Variants in PTPRG observed in about 807,000 individuals in gnomAD.
PTPRG encodes the protein receptor-type tyrosine-protein phosphatase gamma.
A neutral mutation model predicts 165.3 loss-of-function variants in PTPRG; 102 were observed. The observed-to-expected ratio is 0.62, with a 90% CI of 0.53 to 0.73. The LOEUF (loss-of-function observed/expected upper bound fraction) is 0.73. PTPRG is among the 30% of genes least tolerant of loss of function. The pLI, the probability that PTPRG is intolerant of heterozygous loss-of-function variation, is 0.00. For synonymous variants in PTPRG, 675 were observed against 669.5 expected, an observed-to-expected ratio of 1.01 and a Z score of -0.13; for missense variants, 1,866 against 1,861.4, an observed-to-expected ratio of 1.00 and a Z score of -0.05.
Position 62,296,253 on chromosome 3 carries a change from G to A in PTPRG, c.*2946G>A, listed in dbSNP as rs1703058436. 6.6e-6 allele frequency: 1 copy of A among 151,876 alleles called. No homozygotes were observed. Among genetic ancestry groups the A allele is most frequent in the African/African-American group, 2.4e-5 (1 of 41,352 alleles). The allele number at this position is 151,876 out of a possible 1,614,324, so 9.4% of individuals were successfully genotyped here. A position where few individuals can be genotyped will look rare whatever the true frequency, so the allele number is the denominator to read the frequency against. On this transcript the variant is annotated 3_prime_UTR_variant, in exon 30 of 30. Transcript: ENST00000474889. ...TCTTCCTAATTTTTATGCCTTTAGA[G>A]TTTTTAGTCTATTCAAGTAGAAGAG... is the stretch of plus-strand genomic sequence containing the variant.
chr3:61,641,276 G>T (rs1310013686), intron 1 of PTPRG, among the ~76,000 whole-genome samples: 1 of 151,984 alleles, frequency 6.6e-6, no homozygotes, highest in African/African-American at 2.4e-5. Context: ...CATTGTTCTT[G>T]GCTCTGGGGA....
chr3:62,158,696 C>T (rs1704631559), intron 7 of PTPRG, among the ~76,000 whole-genome samples: 1 of 152,168 alleles, frequency 6.6e-6, no homozygotes, highest in Admixed American at 6.5e-5. Flanking sequence ...AGACACTATC[C>T]CCCTAACCAA....
At chr3:61,751,197 C>T (rs1393497508) in intron 2 of PTPRG, 1 of 152,156 alleles carries the variant, frequency 6.6e-6, no homozygotes, top group African/African-American at 2.4e-5. Context: ...ACAGACATTC[C>T]TTAGCATTTG....
intron 2 of PTPRG, among the ~76,000 whole-genome samples, chr3:61,969,167 G>C (rs1309846954): frequency 6.6e-6 from 1 of 152,196 alleles, no homozygotes; most frequent in Non-Finnish European, 1.5e-5. Context: ...GGCTCAATGA[G>C]TGGTTCATTA....
At chr3:61,920,049 G>A (rs2039039911) in intron 2 of PTPRG, among the ~76,000 whole-genome samples, 1 of 152,232 alleles carries the variant, frequency 6.6e-6, no homozygotes, top group Non-Finnish European at 1.5e-5. Context: ...AGAAGTGCTT[G>A]TGACATACTA....
intron 4 of PTPRG, among the ~76,000 whole-genome samples, chr3:62,031,965 G>A (rs115695366): frequency 0.015 from 2,231 of 152,282 alleles, 29 homozygotes; most frequent in Non-Finnish European, 0.019. Context: ...CAGTTGGTTA[G>A]ATGGGTCTGC....
intron 2 of PTPRG, among the ~76,000 whole-genome samples, chr3:61,854,107 A>C (rs2037037852): frequency 2.6e-5 from 4 of 152,226 alleles, no homozygotes; most frequent in Admixed American, 2.0e-4. Context: ...CTGAGTTGAC[A>C]GCAAGAGAAT....
intron 1 of PTPRG, among the ~76,000 whole-genome samples, chr3:61,699,988 G>A (rs939074582): frequency 7.9e-5 from 12 of 152,020 alleles, no homozygotes; most frequent in Non-Finnish European, 2.9e-5. Flanking sequence ...AAGTTTTGAG[G>A]GCCCTTCAAG....
At chr3:61,672,764 A>T (rs1456100481) in intron 1 of PTPRG, among the ~76,000 whole-genome samples, 2 of 119,138 alleles carry the variant, frequency 1.7e-5, no homozygotes, top group Non-Finnish European at 3.5e-5. Flanking sequence ...GAGAGGGAGA[A>T]GAGGGAGAGG....
At chr3:61,562,857 G>A (rs944277720) in intron 1 of PTPRG, among the ~76,000 whole-genome samples, 5 of 152,164 alleles carry the variant, frequency 3.3e-5, no homozygotes, top group Non-Finnish European at 7.3e-5. Flanking sequence ...CCTTTGGGAG[G>A]GCTAGGTTTC....
chr3:61,672,092 G>T (rs1217084332), intron 1 of PTPRG, among the ~76,000 whole-genome samples: 2 of 149,706 alleles, frequency 1.3e-5, no homozygotes, highest in African/African-American at 5.0e-5. Context: ...GGGCAGCAGG[G>T]CAGAGGTGCT....
intron 4 of PTPRG, among the ~76,000 whole-genome samples, chr3:62,049,143 G>A (rs1220314565): frequency 6.6e-6 from 1 of 152,006 alleles, no homozygotes; most frequent in African/African-American, 2.4e-5. Flanking sequence ...AGAAGCCGGG[G>A]AGAAACGTAT....
At chr3:62,267,925 G>T in intron 19 of PTPRG, 106 bp downstream of exon 19, 1 of 1,291,246 alleles carries the variant, frequency 7.7e-7, no homozygotes, top group Non-Finnish European at 1.1e-6. Context: ...AAGAGTTACG[G>T]AAATGAAAAG....
intron 4 of PTPRG, among the ~76,000 whole-genome samples, chr3:62,033,042 G>A (rs1699819809): frequency 6.6e-6 from 1 of 152,144 alleles, no homozygotes; most frequent in African/African-American, 2.4e-5. Context: ...ATTTGCCTGT[G>A]ACATGCTGGT....
intron 2 of PTPRG, among the ~76,000 whole-genome samples, chr3:61,939,680 C>A (rs531961541): frequency 6.6e-6 from 1 of 152,044 alleles, no homozygotes; most frequent in Non-Finnish European, 1.5e-5. Flanking sequence ...TCCAAAAGGT[C>A]CAATAAAATG....
chr3:61,784,426 A>G (rs2034634942), intron 2 of PTPRG, among the ~76,000 whole-genome samples: 1 of 152,228 alleles, frequency 6.6e-6, no homozygotes, highest in African/African-American at 2.4e-5. Context: ...ACATAGTTTT[A>G]ACCTAATTGG....
chr3:61,890,983 C>T (rs534138840), intron 2 of PTPRG, among the ~76,000 whole-genome samples: 17 of 152,036 alleles, frequency 1.1e-4, no homozygotes, highest in Non-Finnish European at 1.6e-4. Flanking sequence ...GATGTTTTTA[C>T]GGATAGCAAC....
At position 62,252,364 on chromosome 3, in the gene PTPRG, A is replaced by G. The variant is rs1701442857; in HGVS notation, c.2468-2760A>G. 6.6e-6 allele frequency among the ~76,000 whole-genome samples: 1 copy of G among 152,216 alleles called. No individual in the cohort carries two copies. The highest frequency in any genetic ancestry group is 2.1e-4 in the South Asian group (1 of 4,828). ...GGAGCACTTTTTATCTAGGGTCTGCAGCCAACTTCTTCTGCCATTCTAAAC... is the reference window on the plus strand; with the variant it reads ...GGAGCACTTTTTATCTAGGGTCTGCGGCCAACTTCTTCTGCCATTCTAAAC... On this transcript the variant is annotated intron_variant, in intron 15 of 29. Coordinates refer to ENST00000474889, the MANE Select transcript of PTPRG (RefSeq NM_002841.4). This position sits in a 1 kb window ranked among gnomAD's most constrained non-coding sequence, Gnocchi z 4.6.
chr3:62,178,674 C>T (rs904713254), intron 8 of PTPRG, among the ~76,000 whole-genome samples: 1 of 152,162 alleles, frequency 6.6e-6, no homozygotes. Flanking sequence ...GGCTTGGGAG[C>T]GTTTGAGCTG....
Sources: allele counts gnomAD v4.1 joint callset (sites outside exome capture counted in the v4.1 genomes callset), GRCh38; gene constraint gnomAD v4.1.1; non-coding constraint Gnocchi (gnomAD v3.1); transcripts MANE v1.5; gene names NCBI Gene and HGNC (gene_info 2026-07-23, HGNC 2026-07-21).